MGAT4C: variants seen among roughly 807,000 people sequenced by gnomAD.
MGAT4C encodes MGAT4 family member C, also known as alpha-1,3-mannosyl-glycoprotein 4-beta-N-acetylglucosaminyltransferase C.
Under a neutral mutation model 40.1 loss-of-function variants are expected in MGAT4C, and 19 were observed. The observed-to-expected ratio is 0.47, with a 90% CI of 0.33 to 0.70. The LOEUF is 0.70. Ranked by LOEUF, MGAT4C falls within the 30% of genes least tolerant of loss-of-function variation. The probability of loss-of-function intolerance (pLI) is 0.02; values close to 1 mark genes in which losing one functional copy is unlikely to be tolerated. For synonymous variants in MGAT4C, 181 were observed against 187.1 expected (o/e 0.97, Z 0.27); for missense variants, 491 against 563.2 (o/e 0.87, Z 1.30).
intron 3 of MGAT4C, among the ~76,000 whole-genome samples, chr12:86,410,500 C>T (rs369410920): frequency 1.3e-5 from 2 of 152,132 alleles, no homozygotes; most frequent in African/African-American, 2.4e-5. Context: ...ACCACACAGG[C>T]GGTCAGACCT....
At chr12:86,834,712 C>A (rs1953002113) in intron 1 of MGAT4C, among the ~76,000 whole-genome samples, 1 of 151,246 alleles carries the variant, frequency 6.6e-6, no homozygotes, top group Non-Finnish European at 1.5e-5. Context: ...GTCAAAATAT[C>A]CAAAAATAAT....
intron 1 of MGAT4C, among the ~76,000 whole-genome samples, chr12:86,212,858 C>G (rs1486462551): frequency 3.4e-5 from 2 of 58,890 alleles, no homozygotes; most frequent in Non-Finnish European, 6.9e-5. Flanking sequence ...CGCAGCTGCA[C>G]TCCAGCCTGG....
At chr12:86,755,965 G>T (rs1951298161) in intron 1 of MGAT4C, among the ~76,000 whole-genome samples, 1 of 151,520 alleles carries the variant, frequency 6.6e-6, no homozygotes, top group African/African-American at 2.4e-5. Context: ...CTATTTTCAT[G>T]ATTATTTTAA....
chr12:86,371,119 T>C lies in MGAT4C; in HGVS notation c.-119-36992A>G, dbSNP rs557209648. On this transcript the variant is annotated intron_variant, in intron 3 of 7. Transcript: ENST00000548651. ...ACATGCCTTGGGTTAGTATTATTTA[T>C]TGCTCCAGCTAAAGAGGACTAAATA... Among the ~76,000 whole-genome samples the C allele has an allele frequency of 5.9e-5, 9 of 152,140 alleles. No individual in the cohort carries two copies. In the South Asian group the frequency reaches 8.3e-4, roughly 14 times the overall value.
Position 85,970,414 on chromosome 12 carries a change from C to T in MGAT4C, c.*8875G>A, listed in dbSNP as rs1268932181. ...GGAAATACACCCTAAATTATTGGGT[C>T]AAGTTAGTGAAAACTGTTAAATTGA... is the stretch of plus-strand genomic sequence containing the variant. On this transcript the variant is annotated 3_prime_UTR_variant, in exon 5 of 5. Transcript: ENST00000611864. The T allele has an allele frequency of 6.6e-6, 1 of 151,288 alleles. No individual in the cohort carries two copies. Among genetic ancestry groups the T allele is most frequent in the African/African-American group, 2.4e-5 (1 of 41,356 alleles). The allele number at this position is 151,288 out of a possible 1,614,324, so 9.4% of individuals were successfully genotyped here.
At chr12:86,504,354 A>T (rs1020767542) in intron 2 of MGAT4C, among the ~76,000 whole-genome samples, 26 of 152,340 alleles carry the variant, frequency 1.7e-4, no homozygotes, top group African/African-American at 6.3e-4. Flanking sequence ...TCATAGAAGC[A>T]ATTATCCATA....
chr12:86,429,574 T>C (rs1399683439), intron 3 of MGAT4C, among the ~76,000 whole-genome samples: 2 of 152,194 alleles, frequency 1.3e-5, no homozygotes, highest in Non-Finnish European at 2.9e-5. Context: ...GTTTTTGTTT[T>C]TTTCTTTCAG....
In MGAT4C at chr12:86,068,548, A is replaced by AAT. The variant is rs201375913; in HGVS notation, c.-56-18827_-56-18826dup. ...AAATATATAGATAAATATGAATATA[A>AAT]ATATATATAAGTATATTTATATGTT... On this transcript the variant is annotated intron_variant, in intron 1 of 4. Transcript: ENST00000611864. 559 of 148,382 alleles carry AAT rather than the reference A, an allele frequency of 3.8e-3. 3 individuals carry two copies. The highest frequency in any genetic ancestry group is 0.012 in the African/African-American group (500 of 40,854). 9.2% of individuals were successfully genotyped at this position (148,382 alleles called of 1,614,324 possible). A position where few individuals can be genotyped will look rare whatever the true frequency, so the allele number is the denominator to read the frequency against.
intron 3 of MGAT4C, among the ~76,000 whole-genome samples, chr12:86,406,344 A>G: frequency 6.6e-6 from 1 of 151,824 alleles, no homozygotes; most frequent in East Asian, 1.9e-4. Flanking sequence ...TGTAAACTGT[A>G]TATGTAATAA....
chr12:86,713,976 A>G (rs1006033554), intron 2 of MGAT4C, among the ~76,000 whole-genome samples: 14 of 152,292 alleles, frequency 9.2e-5, no homozygotes, highest in African/African-American at 3.1e-4. Flanking sequence ...GTTTGCACAT[A>G]GTATGTTTTA....
chr12:86,430,650 C>A (rs1381183331), intron 3 of MGAT4C, among the ~76,000 whole-genome samples: 3 of 152,052 alleles, frequency 2.0e-5, no homozygotes, highest in Non-Finnish European at 4.4e-5. Flanking sequence ...CTCTGGTCAG[C>A]CAATTATGTT....
At position 85,970,999 on chromosome 12, in the gene MGAT4C, C is replaced by A. The variant is rs1254012490; in HGVS notation, c.*8290G>T. On this transcript the variant is annotated 3_prime_UTR_variant, in exon 5 of 5. Transcript: ENST00000611864. ...ATTGTTTGTGTTAAGTGAAATTATA[C>A]CTTGTAAAATTTCATATTATGAGAG... 2 of 150,890 alleles carry A rather than the reference C, an allele frequency of 1.3e-5. No individual in the cohort carries two copies. The highest frequency in any genetic ancestry group is 3.0e-5 in the Non-Finnish European group (2 of 67,260). 9.3% of individuals were successfully genotyped at this position (150,890 alleles called of 1,614,324 possible). A position where few individuals can be genotyped will look rare whatever the true frequency, so the allele number is the denominator to read the frequency against.
chr12:86,393,369 T>G (rs1242624720), intron 3 of MGAT4C, among the ~76,000 whole-genome samples: 1 of 152,158 alleles, frequency 6.6e-6, no homozygotes, highest in African/African-American at 2.4e-5. Context: ...TTTATACACC[T>G]GAAGCTTTTT....
chr12:86,105,800 G>A (rs550165169), intron 1 of MGAT4C, among the ~76,000 whole-genome samples: 2 of 152,210 alleles, frequency 1.3e-5, no homozygotes, highest in Admixed American at 1.3e-4. Flanking sequence ...GGCAAAGAAA[G>A]TAAAATATGG....
chr12:86,305,509 ATTT>A (rs2136144281), intron 4 of MGAT4C, among the ~76,000 whole-genome samples: 1 of 150,142 alleles, frequency 6.7e-6, no homozygotes, highest in East Asian at 2.0e-4. Context: ...AGCCTATATT[ATTT>A]TTAACAAATT....
At chr12:86,673,451 G>A (rs532263097) in intron 2 of MGAT4C, among the ~76,000 whole-genome samples, 13 of 151,648 alleles carry the variant, frequency 8.6e-5, no homozygotes, top group South Asian at 6.2e-4. Flanking sequence ...ATGCGCAAGC[G>A]CACACACACA....
intron 1 of MGAT4C, among the ~76,000 whole-genome samples, chr12:86,089,577 A>C (rs934757472): frequency 2.0e-5 from 3 of 151,664 alleles, no homozygotes; most frequent in Non-Finnish European, 4.4e-5. Context: ...TTTATTTCTA[A>C]AGTGTTTTGT....
chr12:86,464,610 T>C (rs1369347651), intron 2 of MGAT4C, among the ~76,000 whole-genome samples: 1 of 152,114 alleles, frequency 6.6e-6, no homozygotes, highest in Non-Finnish European at 1.5e-5. Flanking sequence ...TCCTAAACAA[T>C]CATTTAAAAT....
chr12:86,521,264 G>T (rs1958790415), intron 2 of MGAT4C, among the ~76,000 whole-genome samples: 1 of 152,026 alleles, frequency 6.6e-6, no homozygotes, highest in Non-Finnish European at 1.5e-5. Context: ...TAAGAAAGGG[G>T]CCGACTTTCA....
Sources: gnomAD v4.1 joint callset for allele counts (sites outside exome capture counted in the v4.1 genomes callset) on GRCh38, gnomAD v4.1.1 for gene constraint, MANE v1.5 for transcripts, NCBI Gene and HGNC (gene_info 2026-07-23, HGNC 2026-07-21) for gene names.